C2CD3: variants seen among roughly 807,000 people sequenced by gnomAD.
C2CD3 encodes the protein C2 domain containing 3 centriole elongation regulator.
Under a neutral mutation model 234.0 loss-of-function variants are expected in C2CD3, and 148 were observed. The observed-to-expected ratio is 0.63, with a 90% CI of 0.55 to 0.72. The LOEUF is 0.72. Among genes scored for constraint, C2CD3 ranks in the 30% least tolerant of loss-of-function variants. The pLI, the probability that C2CD3 is intolerant of heterozygous loss-of-function variation, is 0.00. For missense variants in C2CD3, 2,577 were observed against 2,811.5 expected (o/e 0.92, Z 1.89); for synonymous variants, 1,000 against 1,035.4 (o/e 0.97, Z 0.66).
In C2CD3 at chr11:74,013,379, G is replaced by T; in HGVS notation, c.*6C>A. 1.0e-6 allele frequency: 1 copy of T among 968,258 alleles called. No individual in the cohort carries two copies. The highest frequency in any genetic ancestry group is 1.4e-6 in the Non-Finnish European group (1 of 707,198). The allele number at this position is 968,258 out of a possible 1,614,324, so 60.0% of individuals were successfully genotyped here. On this transcript the variant is annotated 3_prime_UTR_variant, in exon 33 of 33. Transcript: ENST00000334126. ...TGTCTCCTTCCCCCCAGCCCCTCAG[G>T]CTGCGTCAGTCTTTCTGGGAGTACT... is the stretch of plus-strand genomic sequence containing the variant.
intron 14 of C2CD3, among the ~76,000 whole-genome samples, chr11:74,102,651 T>C (rs1223361413): frequency 6.6e-6 from 1 of 152,038 alleles, no homozygotes; most frequent in Admixed American, 6.6e-5. Flanking sequence ...AAGAACAGCT[T>C]TGAGTGAGGA....
chr11:74,054,136 G>A (rs746804131), intron 26 of C2CD3, among the ~76,000 whole-genome samples: 8 of 152,022 alleles, frequency 5.3e-5, no homozygotes, highest in Non-Finnish European at 1.2e-4. Context: ...GCCGGGCGTG[G>A]TGGCAGGCGC....
intron 21 of C2CD3, among the ~76,000 whole-genome samples, chr11:74,085,233 C>T (rs1955588705): frequency 6.6e-6 from 1 of 150,754 alleles, no homozygotes; most frequent in African/African-American, 2.4e-5. Context: ...AACTCTTGGG[C>T]TCAAGTGATC....
intron 6 of C2CD3, among the ~76,000 whole-genome samples, chr11:74,133,195 G>A (rs1485371546): frequency 6.6e-6 from 1 of 152,136 alleles, no homozygotes; most frequent in East Asian, 1.9e-4. Flanking sequence ...TACATCCAAG[G>A]ATACCAGTTC....
intron 32 of C2CD3, among the ~76,000 whole-genome samples, chr11:74,024,429 C>T (rs1037101375): frequency 2.0e-5 from 3 of 152,138 alleles, no homozygotes; most frequent in Non-Finnish European, 4.4e-5. Context: ...ATGGTCCCAG[C>T]CAGAAATCAG....
chr11:74,065,417 G>A (rs975022288), intron 24 of C2CD3, among the ~76,000 whole-genome samples: 1 of 152,142 alleles, frequency 6.6e-6, no homozygotes, highest in Non-Finnish European at 1.5e-5. Context: ...GAAACAACAG[G>A]TGCTGGGGAG....
At chr11:74,045,995 A>C (rs1475269385) in intron 28 of C2CD3, among the ~76,000 whole-genome samples, 2 of 152,224 alleles carry the variant, frequency 1.3e-5, no homozygotes, top group South Asian at 4.1e-4. Flanking sequence ...TAACCCACAT[A>C]AACCCGTTTG....
rs745725927 is a variant in C2CD3 at position 74,074,415 on chromosome 11, G to C, written c.4789C>G (p.Pro1597Ala). The C allele has an allele frequency of 6.2e-7, 1 of 1,614,218 alleles. No individual in the cohort carries two copies. The highest frequency in any genetic ancestry group is 8.5e-7 in the Non-Finnish European group (1 of 1,180,024). Residue 1597 changes from proline to alanine, a missense_variant, in exon 24 of 33, where the codon CCA becomes GCA. Pro to Ala is a conservative substitution (Grantham distance 27, BLOSUM62 -1). Coordinates refer to ENST00000334126, the MANE Select transcript of C2CD3 (RefSeq NM_001286577.2). ...TTCTGGTGGCAGGAGATGACTTCTG[G>C]TGGAGAGAGCTGGACCTCATCATTC... Reference protein sequence around the residue: ...RRNDEVQLSPPEVISCHQKSP... With the variant: ...RRNDEVQLSPAEVISCHQKSP...
chr11:74,149,049 C>A (rs557257373), intron 3 of C2CD3, among the ~76,000 whole-genome samples: 2 of 152,270 alleles, frequency 1.3e-5, no homozygotes, highest in African/African-American at 4.8e-5. Context: ...ATTTCTATAC[C>A]TGATTCCTGT....
At chr11:74,140,375 T>A (rs1468611501) in intron 3 of C2CD3, among the ~76,000 whole-genome samples, 1 of 152,210 alleles carries the variant, frequency 6.6e-6, no homozygotes, top group Non-Finnish European at 1.5e-5. Flanking sequence ...TAAGTAGAGA[T>A]GCCATGTCCA....
In C2CD3 at chr11:74,058,309, CACTT is replaced by C. The variant is rs376772973; in HGVS notation, c.4952-769_4952-766del. ...TAAGATAAATACTAAGAGTAAGTAA[CACTT>C]ACATATCACTTACTGTGATATGTAA... is the stretch of plus-strand genomic sequence containing the variant. On this transcript the variant is annotated intron_variant, in intron 24 of 32. Coordinates refer to ENST00000334126, the MANE Select transcript of C2CD3 (RefSeq NM_001286577.2). 1.2e-4 allele frequency among the ~76,000 whole-genome samples: 18 copies of C among 152,212 alleles called. No homozygotes were observed. In the East Asian group the frequency reaches 1.4e-3, roughly 11 times the overall value.
intron 2 of C2CD3, among the ~76,000 whole-genome samples, chr11:74,165,278 A>G (rs1856731978): frequency 6.6e-6 from 1 of 152,128 alleles, no homozygotes; most frequent in Admixed American, 6.6e-5. Context: ...ACCCCATCTC[A>G]TTTCAAATGT....
chr11:74,034,707 C>G (rs1952657374), intron 30 of C2CD3: 1 of 960,318 alleles, frequency 1.0e-6, no homozygotes, highest in Non-Finnish European at 1.7e-6. Context: ...AAGGAAATAT[C>G]TATCACCCAT....
At chr11:74,099,369 C>A (rs1467572163) in intron 15 of C2CD3, among the ~76,000 whole-genome samples, 1 of 151,980 alleles carries the variant, frequency 6.6e-6, no homozygotes, top group African/African-American at 2.4e-5. Flanking sequence ...AAAAGAAAGT[C>A]AGAGAGGTTA....
intron 1 of C2CD3, 96 bp from the exon 2 acceptor site, chr11:74,168,709 T>A: frequency 8.6e-7 from 1 of 1,163,226 alleles, no homozygotes; most frequent in Non-Finnish European, 1.2e-6. Context: ...AACACTTTAG[T>A]CTTAAGTTCA....
chr11:74,123,191 A>T (rs1249980732), intron 7 of C2CD3, 56 bp from the exon 8 acceptor site: 2 of 1,343,064 alleles, frequency 1.5e-6, no homozygotes, highest in Non-Finnish European at 2.1e-6. Context: ...CAGCTGAACT[A>T]TTCTCTCTTT....
At chr11:74,062,211 T>C (rs1954282688) in intron 24 of C2CD3, among the ~76,000 whole-genome samples, 1 of 152,114 alleles carries the variant, frequency 6.6e-6, no homozygotes, top group Non-Finnish European at 1.5e-5. Flanking sequence ...ATTAGACAGA[T>C]CAACGAGACA....
chr11:74,071,013 TC>T (rs1334527218), intron 24 of C2CD3: 1 of 152,256 alleles, frequency 6.6e-6, no homozygotes, highest in Non-Finnish European at 1.5e-5. Flanking sequence ...CTCAAAGTTT[TC>T]CTATACTACC....
intron 10 of C2CD3, 51 bp downstream of exon 10, chr11:74,114,333 G>T: frequency 8.1e-7 from 1 of 1,241,758 alleles, no homozygotes; most frequent in Non-Finnish European, 1.2e-6. Flanking sequence ...ATTACCATCA[G>T]ACACACTTTC....
Sources: gnomAD v4.1 joint callset for allele counts (sites outside exome capture counted in the v4.1 genomes callset) on GRCh38, gnomAD v4.1.1 for gene constraint, MANE v1.5 for transcripts, NCBI Gene and HGNC (gene_info 2026-07-23, HGNC 2026-07-21) for gene names.